NTPCR: variants seen among roughly 807,000 people sequenced by gnomAD.
The protein encoded by NTPCR is nucleoside-triphosphatase, cancer-related, also known as cancer-related nucleoside-triphosphatase.
NTPCR carries 15 observed loss-of-function variants against 19.5 expected under a neutral mutation model. The observed-to-expected ratio is 0.77, with a 90% CI of 0.51 to 1.18. NTPCR has a LOEUF of 1.18. Among genes scored for constraint, NTPCR ranks in the 50% most tolerant of loss-of-function variants. The pLI is 0.00. For synonymous variants in NTPCR, 90 were observed against 95.8 expected (o/e 0.94, Z 0.36); for missense variants, 206 against 240.4 (o/e 0.86, Z 0.95).
chr1:232,961,219 C>A (rs1358572225), intron 3 of NTPCR, among the ~76,000 whole-genome samples: 2 of 152,222 alleles, frequency 1.3e-5, no homozygotes, highest in African/African-American at 2.4e-5. Context: ...TGTAAGTAAC[C>A]TTGCAACAAA....
intron 1 of NTPCR, among the ~76,000 whole-genome samples, chr1:232,953,124 C>G (rs1231168194): frequency 6.6e-6 from 1 of 152,200 alleles, no homozygotes; most frequent in Non-Finnish European, 1.5e-5. Flanking sequence ...GTGGAACTTG[C>G]TTGACAGTGC....
chr1:232,952,660 A>C (rs1306039945), intron 1 of NTPCR, among the ~76,000 whole-genome samples: 1 of 149,502 alleles, frequency 6.7e-6, no homozygotes, highest in Non-Finnish European at 1.5e-5. Context: ...ACAGGCATGC[A>C]CCACCATGCC....
At chr1:232,953,608 T>C (rs1668433553) in intron 1 of NTPCR, among the ~76,000 whole-genome samples, 1 of 139,686 alleles carries the variant, frequency 7.2e-6, no homozygotes, top group Non-Finnish European at 1.6e-5. Flanking sequence ...AGTATAAGAA[T>C]TAAAAAAAAC....
intron 1 of NTPCR, among the ~76,000 whole-genome samples, chr1:232,954,500 CACTT>C (rs1202947165): frequency 1.3e-5 from 2 of 152,148 alleles, no homozygotes; most frequent in African/African-American, 4.8e-5. Flanking sequence ...GTCATGATGC[CACTT>C]ACTTAAATCC....
chr1:232,974,547 AAAAG>A (rs1415609192), intron 4 of NTPCR, among the ~76,000 whole-genome samples: 1 of 152,262 alleles, frequency 6.6e-6, no homozygotes. Context: ...CTGAAAAAAG[AAAAG>A]AAAGAACAGT....
chr1:232,958,558 T>C (rs764478082), intron 3 of NTPCR, among the ~76,000 whole-genome samples: 3 of 152,088 alleles, frequency 2.0e-5, no homozygotes, highest in Non-Finnish European at 2.9e-5. Flanking sequence ...CAGCAGGGGG[T>C]TGTGCTTCTT....
chr1:232,964,487 C>G (rs890667307), intron 3 of NTPCR: 2 of 152,176 alleles, frequency 1.3e-5, no homozygotes, highest in African/African-American at 4.8e-5. Flanking sequence ...CATCAGATTT[C>G]CCCTAGCCAA....
rs1323984515 is a variant in NTPCR, at chr1:232,978,300, G to A, written c.*69G>A. The A allele has an allele frequency of 1.5e-6, 2 of 1,342,258 alleles. No homozygotes were observed. The highest frequency in any genetic ancestry group is 2.1e-6 in the Non-Finnish European group (2 of 939,242). The allele number at this position is 1,342,258 out of a possible 1,614,324, so 83.1% of individuals were successfully genotyped here. A position where few individuals can be genotyped will look rare whatever the true frequency, so the allele number is the denominator to read the frequency against. The stretch of plus-strand genomic sequence containing the variant: ...AGAGGAGCCTGATGGAGCCCTGCCT[G>A]TCGAGGCTGTATGCCTATGGGGTTA... On this transcript the variant is annotated 3_prime_UTR_variant, in exon 5 of 5. Coordinates refer to ENST00000366628, the MANE Select transcript of NTPCR (RefSeq NM_032324.3).
At chr1:232,970,225 C>T (rs1462084379) in intron 4 of NTPCR, 107 bp downstream of exon 4, 3 of 889,500 alleles carry the variant, frequency 3.4e-6, no homozygotes, top group Non-Finnish European at 3.5e-6. Flanking sequence ...TTTTTCCCTT[C>T]CATGCTGAAA....
intron 3 of NTPCR, chr1:232,965,819 G>A (rs569554142): frequency 4.6e-5 from 7 of 152,368 alleles, no homozygotes; most frequent in South Asian, 2.1e-4. Context: ...CTCTTCAGTC[G>A]GGTGACCATG....
intron 4 of NTPCR, among the ~76,000 whole-genome samples, chr1:232,972,119 T>C (rs1184111087): frequency 6.6e-6 from 1 of 152,186 alleles, no homozygotes; most frequent in African/African-American, 2.4e-5. Context: ...ACCACATTTC[T>C]TCCGCTCTCT....
At chr1:232,953,375 C>A (rs1224895209) in intron 1 of NTPCR, among the ~76,000 whole-genome samples, 1 of 152,116 alleles carries the variant, frequency 6.6e-6, no homozygotes, top group East Asian at 1.9e-4. Context: ...GGGGTAGCAG[C>A]TTAACTAATG....
At chr1:232,976,477 G>A (rs910132115) in intron 4 of NTPCR, 1 of 1,549,504 alleles carries the variant, frequency 6.5e-7, no homozygotes, top group Non-Finnish European at 8.7e-7. Context: ...GGCCCCTGTG[G>A]TGCCCACCTC....
At chr1:232,956,700 G>A (rs1266281908) in intron 3 of NTPCR, among the ~76,000 whole-genome samples, 2 of 152,138 alleles carry the variant, frequency 1.3e-5, no homozygotes, top group Non-Finnish European at 2.9e-5. Flanking sequence ...CATTCCCAAA[G>A]ATAAGTCTTT....
chr1:232,974,643 G>C (rs1337962678), intron 4 of NTPCR, among the ~76,000 whole-genome samples: 1 of 152,232 alleles, frequency 6.6e-6, no homozygotes, highest in Non-Finnish European at 1.5e-5. Context: ...GAAGAAATTG[G>C]TGATGGAGTA....
chr1:232,962,241 A>C (rs910419024), intron 3 of NTPCR: 1 of 152,148 alleles, frequency 6.6e-6, no homozygotes, highest in African/African-American at 2.4e-5. Flanking sequence ...AGACTTTACT[A>C]TCCATTAAAA....
At chr1:232,975,922 C>T in intron 4 of NTPCR, among the ~76,000 whole-genome samples, 1 of 152,210 alleles carries the variant, frequency 6.6e-6, no homozygotes, top group East Asian at 1.9e-4. Flanking sequence ...ACTAGAATTT[C>T]ACATAAGGCA....
chr1:232,956,830 G>A lies in NTPCR; in HGVS notation c.294+387G>A, dbSNP rs1409446015. 3.3e-5 allele frequency among the ~76,000 whole-genome samples: 5 copies of A among 152,214 alleles called. No individual in the cohort carries two copies. In the East Asian group the frequency reaches 7.7e-4, roughly 23 times the overall value. On this transcript the variant is annotated intron_variant, in intron 3 of 4. Coordinates refer to ENST00000366628, the MANE Select transcript of NTPCR (RefSeq NM_032324.3). ...TGTTATTGAATGCCTACCAAGTACT[G>A]TAAGCAGTTAACGTATTATATTATT...
At position 232,979,329 on chromosome 1, in the gene NTPCR, A is replaced by G. The variant is rs1669228965; in HGVS notation, c.*1098A>G. 6.6e-6 allele frequency: 1 copy of G among 152,196 alleles called. No individual in the cohort carries two copies. The highest frequency in any genetic ancestry group is 2.4e-5 in the African/African-American group (1 of 41,442). 9.4% of individuals were successfully genotyped at this position (152,196 alleles called of 1,614,324 possible). On this transcript the variant is annotated 3_prime_UTR_variant, in exon 5 of 5. Transcript: ENST00000366628. This position sits in a 1 kb window ranked among gnomAD's most constrained non-coding sequence, Gnocchi z 5.3. ...CTACAAACCCACTGGTATAAGCAGCAGTGTGCCTTCTCTCTAACTGTGGAC... is the reference window on the plus strand; with the variant it reads ...CTACAAACCCACTGGTATAAGCAGCGGTGTGCCTTCTCTCTAACTGTGGAC...
Sources: gnomAD v4.1 joint callset for allele counts (sites outside exome capture counted in the v4.1 genomes callset) on GRCh38, gnomAD v4.1.1 for gene constraint, Gnocchi (gnomAD v3.1) non-coding constraint, MANE v1.5 for transcripts, NCBI Gene and HGNC (gene_info 2026-07-23, HGNC 2026-07-21) for gene names.